The following NBPF15 variants were observed in gnomAD, a reference collection of about 807,000 sequenced individuals.
NBPF15 encodes NBPF member 15, also known as NBPF family member NBPF15.
A neutral mutation model predicts 62.2 loss-of-function variants in NBPF15; 74 were observed. That is an observed-to-expected ratio of 1.19 (90% CI 0.99 to 1.44). NBPF15 has a LOEUF of 1.44. NBPF15 is among the 40% of genes most tolerant of loss of function. The pLI, the probability that NBPF15 is intolerant of heterozygous loss-of-function variation, is 0.00. For missense variants in NBPF15, 790 were observed against 550.0 expected, an observed-to-expected ratio of 1.44 and a Z score of -4.36; for synonymous variants, 244 against 209.7, an observed-to-expected ratio of 1.16 and a Z score of -1.41.
intron 21 of NBPF15, among the ~76,000 whole-genome samples, chr1:144,423,660 A>G (rs1170749817): frequency 2.0e-5 from 3 of 152,184 alleles, no homozygotes; most frequent in Non-Finnish European, 2.9e-5. Context: ...CAGCTTTTGA[A>G]GTATGGTCAA....
At chr1:144,444,565 T>A (rs1685891295) in intron 6 of NBPF15, among the ~76,000 whole-genome samples, 1 of 151,828 alleles carries the variant, frequency 6.6e-6, no homozygotes, top group Non-Finnish European at 1.5e-5. Context: ...TGAATTTAAC[T>A]GAGGTTCCAG....
chr1:144,458,328 G>C (rs1421786298), intron 3 of NBPF15, among the ~76,000 whole-genome samples: 2 of 151,856 alleles, frequency 1.3e-5, no homozygotes, highest in African/African-American at 2.4e-5. Context: ...CTGTAGCTCT[G>C]TGAGGCTCAA....
Position 144,440,798 on chromosome 1 carries a change from G to A in NBPF15, c.-190-503C>T, listed in dbSNP as rs1398730162. Among the ~76,000 whole-genome samples, 5 of 150,122 alleles carry A rather than the reference G, an allele frequency of 3.3e-5. 1 individual carries two copies. The highest frequency in any genetic ancestry group is 2.0e-4 in the East Asian group (1 of 5,108). ...CTCCCAAGTAGTTGGGAATACAGGCGCCCGCCACCACGCCCGGCTAATTTT... is the reference window on the plus strand; with the variant it reads ...CTCCCAAGTAGTTGGGAATACAGGCACCCGCCACCACGCCCGGCTAATTTT... On this transcript the variant is annotated intron_variant, in intron 6 of 21. Transcript: ENST00000581897.
intron 6 of NBPF15, among the ~76,000 whole-genome samples, chr1:144,445,364 C>A (rs1342882887): frequency 7.2e-6 from 1 of 138,634 alleles, no homozygotes; most frequent in Non-Finnish European, 1.5e-5. Context: ...TACACACACA[C>A]ACACACACAC....
chr1:144,452,577 C>A (rs587753977), intron 4 of NBPF15, among the ~76,000 whole-genome samples: 1 of 151,338 alleles, frequency 6.6e-6, no homozygotes, highest in Admixed American at 6.6e-5. Flanking sequence ...TGAAGTAGAA[C>A]TCTGCTGATG....
chr1:144,451,645 C>T (rs1197187075), intron 4 of NBPF15, among the ~76,000 whole-genome samples: 2 of 151,684 alleles, frequency 1.3e-5, no homozygotes, highest in African/African-American at 4.9e-5. Context: ...TGCCTTCAAG[C>T]ATTTGTTTAA....
At chr1:144,426,640 CAG>C (rs1210697607) in intron 17 of NBPF15, among the ~76,000 whole-genome samples, 190 bp from the exon 18 acceptor site, 1,635 of 150,110 alleles carry the variant, frequency 0.011, 30 homozygotes, top group Non-Finnish European at 0.017. Flanking sequence ...AAGAGAAAGA[CAG>C]GGAGAGGGAG....
chr1:144,428,705 TG>T (rs1449159747), intron 14 of NBPF15, 48 bp from the exon 15 acceptor site: 1 of 793,834 alleles, frequency 1.3e-6, no homozygotes, highest in African/African-American at 1.7e-5. Flanking sequence ...AGTTCTTCCT[TG>T]CACACAGAAA....
At chr1:144,445,197 G>T (rs1183820335) in intron 6 of NBPF15, among the ~76,000 whole-genome samples, 1 of 147,736 alleles carries the variant, frequency 6.8e-6, no homozygotes, top group Non-Finnish European at 1.5e-5. Context: ...TTGAGAAATT[G>T]TTTCAATGTG....
Position 144,427,081 on chromosome 1 carries a change from C to G in NBPF15, c.1231G>C (p.Glu411Gln), listed in dbSNP as rs1296651279. 5.1e-6 allele frequency: 3 copies of G among 585,892 alleles called. No homozygotes were observed. Among genetic ancestry groups the G allele is most frequent in the Non-Finnish European group, 8.9e-6 (3 of 338,554 alleles). The allele number at this position is 585,892 out of a possible 1,614,324, so 36.3% of individuals were successfully genotyped here. A position where few individuals can be genotyped will look rare whatever the true frequency, so the allele number is the denominator to read the frequency against. ...GATGGGTCTTGGTCTTCTTCCACTT[C>G]TTGGTACTTTTCAATTTCTGCAATA... ...IDMDEIEKYQEVEEDQDPSCP... is the reference protein window; with the variant it reads ...IDMDEIEKYQQVEEDQDPSCP... The change falls in exon 17 of 22, where the codon GAA becomes CAA. Residue 411 changes from glutamate (E) to glutamine (Q), a missense_variant. Transcript: ENST00000581897.
chr1:144,449,689 C>A (rs1689899310), intron 5 of NBPF15, among the ~76,000 whole-genome samples: 1 of 151,808 alleles, frequency 6.6e-6, no homozygotes, highest in African/African-American at 2.4e-5. Context: ...TGGATCCTAA[C>A]TAAGAAACTC....
At chr1:144,454,893 C>A (rs1465390367) in intron 4 of NBPF15, among the ~76,000 whole-genome samples, 78 of 149,276 alleles carry the variant, frequency 5.2e-4, no homozygotes, top group African/African-American at 1.6e-3. Flanking sequence ...CTGGGAGGAC[C>A]TAAGGGCTAC....
chr1:144,441,441 T>G (rs1682855227), intron 6 of NBPF15, among the ~76,000 whole-genome samples: 1 of 150,966 alleles, frequency 6.6e-6, no homozygotes, highest in African/African-American at 2.4e-5. Context: ...AAATATCTTC[T>G]CAAATTTTTA....
At chr1:144,445,971 C>T (rs587683496) in intron 6 of NBPF15, among the ~76,000 whole-genome samples, 11 of 147,936 alleles carry the variant, frequency 7.4e-5, no homozygotes, top group Non-Finnish European at 8.9e-5. Flanking sequence ...ATCCTCCTGC[C>T]TCAGCCTCCC....
intron 1 of NBPF15, 54 bp from the exon 2 acceptor site, chr1:144,461,015 G>A (rs1652482653): frequency 1.3e-5 from 2 of 150,864 alleles, no homozygotes; most frequent in South Asian, 4.2e-4. Context: ...CCCCAACTTT[G>A]CAAGTCAGGG....
chr1:144,451,789 A>C (rs1345308568), intron 4 of NBPF15, among the ~76,000 whole-genome samples: 6 of 151,518 alleles, frequency 4.0e-5, no homozygotes, highest in African/African-American at 1.5e-4. Flanking sequence ...CTTAGTACAG[A>C]ACAAAATGGA....
At chr1:144,445,738 T>A (rs1175074164) in intron 6 of NBPF15, among the ~76,000 whole-genome samples, 1 of 151,468 alleles carries the variant, frequency 6.6e-6, no homozygotes, top group African/African-American at 2.4e-5. Flanking sequence ...ACATAACAAC[T>A]CTTCTGATCC....
chr1:144,452,278 T>C (rs1553545713), intron 4 of NBPF15, among the ~76,000 whole-genome samples: 1 of 151,922 alleles, frequency 6.6e-6, no homozygotes, highest in African/African-American at 2.4e-5. Context: ...CCAGACAAGG[T>C]TTGGTAAAAA....
Position 144,422,838 on chromosome 1 carries a change from G to C in NBPF15, c.*175C>G. 6.6e-7 allele frequency: 1 copy of C among 1,507,216 alleles called. No individual in the cohort carries two copies. Among genetic ancestry groups the C allele is most frequent in the Admixed American group, 1.9e-5 (1 of 53,558 alleles). 93.4% of individuals were successfully genotyped at this position (1,507,216 alleles called of 1,614,324 possible). On this transcript the variant is annotated 3_prime_UTR_variant, in exon 22 of 22. Transcript: ENST00000581897. ...GTGTCACACCTAACATGGGTCCATT[G>C]TCTTCAGATTGAGCACAGGTTGCCA...
Sources: gnomAD v4.1 joint callset for allele counts (sites outside exome capture counted in the v4.1 genomes callset) on GRCh38, gnomAD v4.1.1 for gene constraint, MANE v1.5 for transcripts, NCBI Gene and HGNC (gene_info 2026-07-23, HGNC 2026-07-21) for gene names.